The following PTGER3 variants were observed in gnomAD, a reference collection of about 807,000 sequenced individuals.
PTGER3 encodes prostaglandin E receptor 3, also known as prostaglandin E2 receptor EP3 subtype.
In PTGER3, 22 loss-of-function variants were observed where a neutral mutation model predicts 34.7. The observed-to-expected ratio is 0.63, with a 90% CI of 0.45 to 0.91. PTGER3 has a LOEUF of 0.91. Among genes scored for constraint, PTGER3 ranks in the 40% least tolerant of loss-of-function variants. PTGER3 has a pLI of 0.00. For synonymous variants in PTGER3, 241 were observed against 230.1 expected (o/e 1.05, Z -0.43); for missense variants, 468 against 519.4 (o/e 0.90, Z 0.96).
intron 2 of PTGER3, chr1:71,008,525 C>A: frequency 2.1e-6 from 2 of 950,248 alleles, no homozygotes; most frequent in Non-Finnish European, 2.5e-6. Context: ...CAATACTGAA[C>A]TGATGTCAGC....
chr1:71,020,238 A>C (rs1252497650), intron 1 of PTGER3, among the ~76,000 whole-genome samples: 1 of 150,272 alleles, frequency 6.7e-6, no homozygotes, highest in African/African-American at 2.4e-5. Flanking sequence ...AACTGAAAAC[A>C]TTACAAATAA....
intron 2 of PTGER3, among the ~76,000 whole-genome samples, chr1:70,978,622 T>C (rs1653939398): frequency 6.6e-6 from 1 of 152,074 alleles, no homozygotes; most frequent in Non-Finnish European, 1.5e-5. Flanking sequence ...GTGCTCTAGT[T>C]GGGAAGCAAT....
chr1:70,921,468 G>T (rs1180600216), intron 4 of PTGER3, among the ~76,000 whole-genome samples: 1 of 152,070 alleles, frequency 6.6e-6, no homozygotes, highest in Non-Finnish European at 1.5e-5. Flanking sequence ...TGGAAAAAAG[G>T]ATTTGTGAGG....
intron 2 of PTGER3, among the ~76,000 whole-genome samples, chr1:70,985,163 T>G (rs1282716224): frequency 6.6e-6 from 1 of 152,128 alleles, no homozygotes; most frequent in East Asian, 1.9e-4. Context: ...TACGATGGCC[T>G]CAGAGTCAAA....
chr1:70,904,994 G>A (rs528430136), intron 4 of PTGER3, among the ~76,000 whole-genome samples: 37 of 152,288 alleles, frequency 2.4e-4, no homozygotes, highest in Non-Finnish European at 4.9e-4. Flanking sequence ...TCCCTGTGCT[G>A]TGTGCAACCT....
At chr1:70,964,805 T>C (rs1319535590) in intron 2 of PTGER3, among the ~76,000 whole-genome samples, 3 of 152,224 alleles carry the variant, frequency 2.0e-5, no homozygotes, top group Non-Finnish European at 4.4e-5. Context: ...ACTTTCATAG[T>C]TGATTGTTGC....
intron 2 of PTGER3, among the ~76,000 whole-genome samples, chr1:70,957,052 T>C (rs535479631): frequency 3.3e-5 from 5 of 152,278 alleles, no homozygotes; most frequent in Middle Eastern, 3.4e-3. Flanking sequence ...GATTTGTCTG[T>C]GTACAGGACA....
chr1:70,970,986 C>T lies in PTGER3; in HGVS notation c.*744G>A. ...TACCTGGATTTTTTTATCACTCTAA[C>T]TGCGCAGCTAATCATTCAACCTCAA... On this transcript the variant is annotated 3_prime_UTR_variant, in exon 4 of 4. Transcript: ENST00000306666. 3 of 985,376 alleles carry T rather than the reference C, an allele frequency of 3.0e-6. No homozygotes were observed. The highest frequency in any genetic ancestry group is 1.7e-5 in the African/African-American group (1 of 57,324). 61.0% of individuals were successfully genotyped at this position (985,376 alleles called of 1,614,324 possible). A position where few individuals can be genotyped will look rare whatever the true frequency, so the allele number is the denominator to read the frequency against.
chr1:70,974,252 C>T (rs199695231), intron 3 of PTGER3, 45 bp downstream of exon 3: 31 of 1,604,956 alleles, frequency 1.9e-5, no homozygotes, highest in South Asian at 7.8e-5. Flanking sequence ...AACAGAGAGA[C>T]GGGGGAAGGC....
chr1:71,012,282 C>A, intron 2 of PTGER3, 23 bp downstream of exon 2: 1 of 1,614,104 alleles, frequency 6.2e-7, no homozygotes. Flanking sequence ...ATCATTAGAG[C>A]AGCTGGAGAC....
intron 4 of PTGER3, among the ~76,000 whole-genome samples, chr1:70,946,380 A>G (rs919806883): frequency 1.3e-5 from 2 of 152,132 alleles, no homozygotes; most frequent in Non-Finnish European, 2.9e-5. Flanking sequence ...ATTTCCCCAA[A>G]TAGATGATAA....
At chr1:71,024,930 T>G (rs977031620) in intron 1 of PTGER3, among the ~76,000 whole-genome samples, 5 of 151,424 alleles carry the variant, frequency 3.3e-5, no homozygotes, top group Admixed American at 1.3e-4. Context: ...TTTATTATAC[T>G]TTAAGTTTTA....
At chr1:71,011,715 A>T (rs5676) in intron 2 of PTGER3, 75,174 of 975,934 alleles carry the variant, frequency 0.077, 2,972 homozygotes, top group Middle Eastern at 0.12. Context: ...GATGAATATT[A>T]TAAATACATT....
At chr1:70,876,960 A>G (rs1180648178) in intron 4 of PTGER3, among the ~76,000 whole-genome samples, 2 of 152,140 alleles carry the variant, frequency 1.3e-5, no homozygotes, top group African/African-American at 4.8e-5. Context: ...CTCCATATGA[A>G]TTTTGAAACA....
At chr1:70,906,579 TA>T (rs756870696) in intron 4 of PTGER3, among the ~76,000 whole-genome samples, 78 of 152,360 alleles carry the variant, frequency 5.1e-4, no homozygotes, top group Non-Finnish European at 6.5e-4. Flanking sequence ...ATAGTAATTT[TA>T]TAATTTGTAT....
At chr1:70,853,234 T>A (rs540978235) in intron 4 of PTGER3, among the ~76,000 whole-genome samples, 10 of 152,268 alleles carry the variant, frequency 6.6e-5, no homozygotes, top group Admixed American at 5.2e-4. Context: ...CTTGCAGACA[T>A]AAAAACATTA....
intron 4 of PTGER3, among the ~76,000 whole-genome samples, chr1:70,880,217 G>A (rs990574296): frequency 6.6e-6 from 1 of 152,098 alleles, no homozygotes; most frequent in African/African-American, 2.4e-5. Context: ...CTTTTGTGGT[G>A]GCTGGTAACA....
intron 2 of PTGER3, chr1:71,009,334 A>C (rs1657240067): frequency 1.0e-6 from 1 of 981,432 alleles, no homozygotes; most frequent in Non-Finnish European, 1.2e-6. Context: ...GTAAGTAGAA[A>C]TATATGTATA....
At chr1:71,027,286 C>A (rs1659012455) in intron 1 of PTGER3, among the ~76,000 whole-genome samples, 1 of 152,064 alleles carries the variant, frequency 6.6e-6, no homozygotes, top group Non-Finnish European at 1.5e-5. Flanking sequence ...TCCCTAGTAG[C>A]TAGTACTACA....
Sources: allele counts gnomAD v4.1 joint callset (sites outside exome capture counted in the v4.1 genomes callset), GRCh38; gene constraint gnomAD v4.1.1; transcripts MANE v1.5; gene names NCBI Gene and HGNC (gene_info 2026-07-23, HGNC 2026-07-21).